Variants in RALYL observed in about 807,000 individuals in gnomAD.
RALYL encodes RALY RNA binding protein like.
In RALYL, 29 loss-of-function variants were observed where a neutral mutation model predicts 35.1. The observed-to-expected ratio is 0.83, with a 90% CI of 0.61 to 1.13. The LOEUF (loss-of-function observed/expected upper bound fraction) is 1.13. Among genes scored for constraint, RALYL ranks in the 50% most tolerant of loss-of-function variants. The pLI is 0.00. For synonymous variants in RALYL, 120 were observed against 127.6 expected (o/e 0.94, Z 0.40); for missense variants, 359 against 360.4 (o/e 1.00, Z 0.03).
At chr8:84,184,523 TGC>T in intron 1 of RALYL, 99 bp downstream of exon 1, 1 of 163,810 alleles carries the variant, frequency 6.1e-6, no homozygotes, top group Non-Finnish European at 1.3e-5. Flanking sequence ...TGTCTGTGTT[TGC>T]GCGCGCGCAT....
intron 1 of RALYL, among the ~76,000 whole-genome samples, chr8:84,365,230 T>C (rs1853975615): frequency 1.3e-5 from 2 of 152,170 alleles, no homozygotes; most frequent in African/African-American, 4.8e-5. Flanking sequence ...GTATGATACA[T>C]TTTATATTTT....
intron 1 of RALYL, among the ~76,000 whole-genome samples, chr8:84,405,669 C>G (rs893772485): frequency 2.0e-5 from 3 of 151,984 alleles, no homozygotes; most frequent in Non-Finnish European, 2.9e-5. Context: ...TTAAAGATGA[C>G]TTTGATTTTC....
At chr8:84,680,788 C>T (rs909801316) in intron 2 of RALYL, among the ~76,000 whole-genome samples, 1 of 151,134 alleles carries the variant, frequency 6.6e-6, no homozygotes, top group African/African-American at 2.5e-5. Context: ...AATTTTCTCC[C>T]ATTCTGTAGG....
At chr8:84,498,400 A>G (rs2056315783) in intron 1 of RALYL, among the ~76,000 whole-genome samples, 2 of 152,148 alleles carry the variant, frequency 1.3e-5, no homozygotes, top group Admixed American at 1.3e-4. Context: ...AAATTGAATA[A>G]TAACCATTAT....
intron 2 of RALYL, among the ~76,000 whole-genome samples, chr8:84,636,623 C>T (rs1198833274): frequency 6.6e-6 from 1 of 151,788 alleles, no homozygotes; most frequent in African/African-American, 2.4e-5. Context: ...CTTTCATCAT[C>T]ATCCAAATGT....
In RALYL at chr8:84,907,324, A is replaced by T. The variant is rs879851096; in HGVS notation, c.859-13570A>T. Among the ~76,000 whole-genome samples the T allele has an allele frequency of 3.3e-3, 493 of 149,502 alleles. 5 individuals carry two copies. The highest frequency in any genetic ancestry group is 0.027 in the Middle Eastern group (8 of 294). On this transcript the variant is annotated intron_variant, in intron 8 of 8. Coordinates refer to ENST00000521268, the MANE Select transcript of RALYL (RefSeq NM_173848.7). The stretch of plus-strand genomic sequence containing the variant: ...AAGATATAGCGTCACACACACACAC[A>T]CACACACACACACACACACACACAC...
rs1327793483 is a variant in RALYL at position 84,390,701 on chromosome 8, T to C, written c.-23-138598T>C. Among the ~76,000 whole-genome samples the C allele has an allele frequency of 3.3e-5, 5 of 152,036 alleles. No individual in the cohort carries two copies. The East Asian group carries it at 9.7e-4, about 29-fold the overall frequency. On this transcript the variant is annotated intron_variant, in intron 1 of 8. Coordinates refer to ENST00000521268, the MANE Select transcript of RALYL (RefSeq NM_173848.7). ...ATCAGTGGTGATATCCCCTTTATCA[T>C]TTTTTACTGGAAGGTGGTTCTTTTC...
At chr8:84,680,998 T>G (rs1197375370) in intron 2 of RALYL, among the ~76,000 whole-genome samples, 1 of 152,076 alleles carries the variant, frequency 6.6e-6, no homozygotes, top group East Asian at 1.9e-4. Context: ...AACATTTAAG[T>G]CTTTAATCCA....
chr8:84,314,735 T>C (rs1354250291), intron 1 of RALYL, among the ~76,000 whole-genome samples: 1 of 152,230 alleles, frequency 6.6e-6, no homozygotes, highest in East Asian at 1.9e-4. Flanking sequence ...CCATCGTTAA[T>C]CAGTCAATCA....
chr8:84,241,546 G>C (rs894114685), intron 1 of RALYL, among the ~76,000 whole-genome samples: 1 of 152,054 alleles, frequency 6.6e-6, no homozygotes, highest in Non-Finnish European at 1.5e-5. Flanking sequence ...GGGAGGCTGA[G>C]GCAGGCAGAT....
intron 2 of RALYL, among the ~76,000 whole-genome samples, chr8:84,617,920 G>A (rs1023560474): frequency 6.6e-6 from 1 of 151,766 alleles, no homozygotes; most frequent in Non-Finnish European, 1.5e-5. Context: ...TATTGAACCA[G>A]CCTTGCATCC....
intron 1 of RALYL, among the ~76,000 whole-genome samples, chr8:84,427,935 A>G (rs1284702717): frequency 1.3e-5 from 2 of 152,188 alleles, no homozygotes; most frequent in African/African-American, 2.4e-5. Flanking sequence ...TAGAGGAGGC[A>G]TTCAATTCAT....
At chr8:84,687,804 T>C (rs1170551970) in intron 2 of RALYL, among the ~76,000 whole-genome samples, 3 of 152,056 alleles carry the variant, frequency 2.0e-5, no homozygotes, top group Non-Finnish European at 2.9e-5. Context: ...TTGAAGACAG[T>C]TGTGTCATTG....
intron 1 of RALYL, among the ~76,000 whole-genome samples, chr8:84,439,652 T>C (rs1471752784): frequency 6.6e-6 from 1 of 152,128 alleles, no homozygotes; most frequent in Admixed American, 6.6e-5. Flanking sequence ...TTGTTGTTTT[T>C]TTCATATATA....
chr8:84,748,340 A>C (rs1809153426), intron 2 of RALYL, among the ~76,000 whole-genome samples: 1 of 152,034 alleles, frequency 6.6e-6, no homozygotes, highest in South Asian at 2.1e-4. Flanking sequence ...AGCTTGAATG[A>C]TATTTGGATA....
intron 2 of RALYL, among the ~76,000 whole-genome samples, chr8:84,714,028 A>G (rs1432920402): frequency 1.3e-5 from 2 of 151,450 alleles, no homozygotes; most frequent in Non-Finnish European, 3.0e-5. Flanking sequence ...ACACACACAT[A>G]CTCACACACA....
intron 2 of RALYL, among the ~76,000 whole-genome samples, chr8:84,538,334 T>C (rs180784855): frequency 7.5e-4 from 115 of 152,332 alleles, no homozygotes; most frequent in Admixed American, 1.7e-3. Flanking sequence ...CTAACTTGCT[T>C]GTTGTTACTT....
intron 2 of RALYL, among the ~76,000 whole-genome samples, chr8:84,737,075 A>G (rs567837584): frequency 6.6e-6 from 1 of 152,074 alleles, no homozygotes; most frequent in Admixed American, 6.6e-5. Context: ...TTGATACAGT[A>G]GTCAAACAAC....
At chr8:84,822,542 T>C (rs1208998513) in intron 4 of RALYL, among the ~76,000 whole-genome samples, 6 of 152,214 alleles carry the variant, frequency 3.9e-5, no homozygotes. Flanking sequence ...GTTGCTGTTC[T>C]AAACTAGCCT....
Sources: allele counts gnomAD v4.1 joint callset (sites outside exome capture counted in the v4.1 genomes callset), GRCh38; gene constraint gnomAD v4.1.1; transcripts MANE v1.5; gene names NCBI Gene and HGNC (gene_info 2026-07-23, HGNC 2026-07-21).